B3GALT1: variants seen among roughly 807,000 people sequenced by gnomAD.
B3GALT1 encodes beta-1,3-galactosyltransferase 1.
B3GALT1 carries 10 observed loss-of-function variants against 23.2 expected under a neutral mutation model. The observed-to-expected ratio is 0.43, with a 90% CI of 0.27 to 0.73. B3GALT1 has a LOEUF of 0.73. Among genes scored for constraint, B3GALT1 ranks in the 30% least tolerant of loss-of-function variants. The probability of loss-of-function intolerance (pLI) is 0.21; values close to 1 mark genes in which losing one functional copy is unlikely to be tolerated. For missense variants in B3GALT1, 299 were observed against 405.4 expected (o/e 0.74, Z 2.25); for synonymous variants, 156 against 141.5 (o/e 1.10, Z -0.73).
At chr2:167,563,519 C>T (rs556438975) in intron 2 of B3GALT1, among the ~76,000 whole-genome samples, 1,712 of 3,146 alleles carry the variant, frequency 0.54, 239 homozygotes, top group East Asian at 0.85. Context: ...CCGGACGGGG[C>T]GGCTGGCGGC....
intron 3 of B3GALT1, among the ~76,000 whole-genome samples, chr2:167,659,841 G>C (rs547418025): frequency 6.6e-6 from 1 of 151,958 alleles, no homozygotes; most frequent in Admixed American, 6.6e-5. Context: ...TCTTCCTCGA[G>C]TGGATAAAAT....
intron 3 of B3GALT1, among the ~76,000 whole-genome samples, chr2:167,730,151 C>T (rs1426810033): frequency 1.3e-5 from 2 of 152,188 alleles, no homozygotes; most frequent in Non-Finnish European, 2.9e-5. Context: ...TATTTTCTGG[C>T]TTACTATATC....
intron 2 of B3GALT1, among the ~76,000 whole-genome samples, chr2:167,512,572 ATATATATG>A (rs1265380231): frequency 2.1e-5 from 2 of 94,296 alleles, no homozygotes; most frequent in African/African-American, 8.7e-5. Flanking sequence ...ATATATGTAT[ATATATATG>A]TATATATATA....
intron 2 of B3GALT1, among the ~76,000 whole-genome samples, chr2:167,511,820 ATAAC>A (rs1222912462): frequency 6.6e-6 from 1 of 152,196 alleles, no homozygotes; most frequent in African/African-American, 2.4e-5. Flanking sequence ...TCATGAAAAA[ATAAC>A]TAATAAGATG....
At chr2:167,540,662 A>G (rs1683519551) in intron 2 of B3GALT1, among the ~76,000 whole-genome samples, 1 of 152,138 alleles carries the variant, frequency 6.6e-6, no homozygotes, top group Non-Finnish European at 1.5e-5. Flanking sequence ...GGTTGTCCTT[A>G]TGCCATTGGC....
At chr2:167,669,720 A>T (rs186178839) in intron 3 of B3GALT1, among the ~76,000 whole-genome samples, 2 of 152,338 alleles carry the variant, frequency 1.3e-5, no homozygotes, top group Non-Finnish European at 2.9e-5. Flanking sequence ...TTCTGAGAAG[A>T]TAACCAATTT....
chr2:167,480,428 G>C (rs76652321), intron 1 of B3GALT1, among the ~76,000 whole-genome samples: 1,790 of 152,256 alleles, frequency 0.012, 39 homozygotes, highest in African/African-American at 0.041. Flanking sequence ...TCCCACTGTC[G>C]TAACCTCTGC....
intron 1 of B3GALT1, among the ~76,000 whole-genome samples, chr2:167,436,465 A>G (rs1698788429): frequency 6.6e-6 from 1 of 152,178 alleles, no homozygotes; most frequent in Non-Finnish European, 1.5e-5. Flanking sequence ...CAAAAATAAT[A>G]CCTACCCATC....
chr2:167,489,097 A>G (rs1699666936), intron 1 of B3GALT1, among the ~76,000 whole-genome samples: 1 of 152,146 alleles, frequency 6.6e-6, no homozygotes, highest in South Asian at 2.1e-4. Flanking sequence ...TAGAGTTCAG[A>G]GGTGCCATCA....
At chr2:167,527,061 T>C (rs1683231873) in intron 2 of B3GALT1, among the ~76,000 whole-genome samples, 1 of 152,192 alleles carries the variant, frequency 6.6e-6, no homozygotes. Context: ...CTGCATTTAT[T>C]ACAACTTATG....
intron 3 of B3GALT1, among the ~76,000 whole-genome samples, chr2:167,735,890 G>A (rs948073560): frequency 1.3e-5 from 2 of 152,196 alleles, no homozygotes; most frequent in Non-Finnish European, 2.9e-5. Context: ...TCCACATGAT[G>A]AAGAAGGAGA....
intron 3 of B3GALT1, among the ~76,000 whole-genome samples, chr2:167,695,544 C>A (rs1235136925): frequency 6.6e-6 from 1 of 152,142 alleles, no homozygotes; most frequent in African/African-American, 2.4e-5. Flanking sequence ...AACCTGACTT[C>A]CCTATACGTC....
At chr2:167,333,920 T>A (rs1437051420) in intron 1 of B3GALT1, among the ~76,000 whole-genome samples, 1 of 152,170 alleles carries the variant, frequency 6.6e-6, no homozygotes, top group African/African-American at 2.4e-5. Context: ...ACCTTCTTAT[T>A]TAGGCTTAAG....
intron 1 of B3GALT1, among the ~76,000 whole-genome samples, chr2:167,373,161 A>G (rs1697711003): frequency 1.3e-5 from 2 of 152,128 alleles, no homozygotes; most frequent in African/African-American, 4.8e-5. Context: ...AAGCAATTGG[A>G]TAAGTTTATG....
chr2:167,550,353 T>C (rs1683723987), intron 2 of B3GALT1, among the ~76,000 whole-genome samples: 1 of 152,314 alleles, frequency 6.6e-6, no homozygotes, highest in Non-Finnish European at 1.5e-5. Flanking sequence ...ATGCAATAAG[T>C]CTCCAGAAAC....
chr2:167,643,294 A>G (rs1267416598), intron 2 of B3GALT1, among the ~76,000 whole-genome samples: 1 of 152,184 alleles, frequency 6.6e-6, no homozygotes, highest in Non-Finnish European at 1.5e-5. Context: ...CTCTTTGTGT[A>G]TATGCTGAAA....
intron 3 of B3GALT1, among the ~76,000 whole-genome samples, chr2:167,751,924 A>T (rs1486001234): frequency 1.3e-5 from 2 of 152,122 alleles, no homozygotes; most frequent in African/African-American, 4.8e-5. Flanking sequence ...TACTGTAGGC[A>T]TTTTGCTCAT....
intron 2 of B3GALT1, among the ~76,000 whole-genome samples, chr2:167,611,701 G>A (rs910139572): frequency 6.6e-6 from 1 of 151,966 alleles, no homozygotes; most frequent in South Asian, 2.1e-4. Context: ...GAAGAGCAGC[G>A]CCTTGGGGTC....
chr2:167,716,730 C>G (rs1313050354), intron 3 of B3GALT1, among the ~76,000 whole-genome samples: 1 of 152,100 alleles, frequency 6.6e-6, no homozygotes, highest in Admixed American at 6.6e-5. Flanking sequence ...TGTATCAATT[C>G]TTGTTTCTCT....
Sources: allele counts gnomAD v4.1 joint callset (sites outside exome capture counted in the v4.1 genomes callset), GRCh38; gene constraint gnomAD v4.1.1; transcripts MANE v1.5; gene names NCBI Gene and HGNC (gene_info 2026-07-23, HGNC 2026-07-21).